RSRC1: variants seen among roughly 807,000 people sequenced by gnomAD.
RSRC1 encodes arginine and serine rich coiled-coil 1.
Under a neutral mutation model 49.1 loss-of-function variants are expected in RSRC1, and 39 were observed. The ratio of observed to expected loss-of-function variants is 0.79; its 90% CI spans 0.61 to 1.04. The LOEUF (loss-of-function observed/expected upper bound fraction) is 1.04, where lower values mean the gene tolerates loss of function less well. Ranked by LOEUF, RSRC1 falls within the 50% of genes least tolerant of loss-of-function variation. RSRC1 has a pLI of 0.00. For missense variants in RSRC1, 388 were observed against 402.4 expected (o/e 0.96, Z 0.31); for synonymous variants, 143 against 130.8 (o/e 1.09, Z -0.63).
At chr3:158,472,450 A>T (rs1738178092) in intron 7 of RSRC1, among the ~76,000 whole-genome samples, 1 of 152,142 alleles carries the variant, frequency 6.6e-6, no homozygotes, top group African/African-American at 2.4e-5. Context: ...ACAAAATAAT[A>T]CTTGTCCATT....
intron 4 of RSRC1, among the ~76,000 whole-genome samples, chr3:158,254,258 T>C (rs1358093009): frequency 1.3e-5 from 2 of 152,240 alleles, no homozygotes; most frequent in Non-Finnish European, 2.9e-5. Flanking sequence ...TAGCATGATT[T>C]ATAATCCTTT....
chr3:158,471,165 C>CAAA (rs1738118932), intron 7 of RSRC1, among the ~76,000 whole-genome samples: 3 of 152,194 alleles, frequency 2.0e-5, no homozygotes, highest in Non-Finnish European at 4.4e-5. Context: ...TCTTTTTGTA[C>CAAA]TTTCTCCTTA....
chr3:158,186,921 A>G (rs1719964541), intron 3 of RSRC1, among the ~76,000 whole-genome samples: 3 of 151,940 alleles, frequency 2.0e-5, no homozygotes, highest in Non-Finnish European at 4.4e-5. Context: ...TCTACTTGTA[A>G]CAAGATAGGG....
intron 5 of RSRC1, among the ~76,000 whole-genome samples, chr3:158,323,654 C>G (rs188664876): frequency 5.9e-5 from 9 of 152,178 alleles, no homozygotes; most frequent in Non-Finnish European, 1.3e-4. Flanking sequence ...AAGTAACATC[C>G]CCAAGCAAGA....
At chr3:158,164,894 C>G (rs1223468444) in intron 3 of RSRC1, among the ~76,000 whole-genome samples, 1 of 152,118 alleles carries the variant, frequency 6.6e-6, no homozygotes, top group Non-Finnish European at 1.5e-5. Context: ...GATAGATGCA[C>G]TAAAGTTCTC....
chr3:158,113,426 T>C (rs1714556950), intron 1 of RSRC1, among the ~76,000 whole-genome samples: 1 of 150,212 alleles, frequency 6.7e-6, no homozygotes, highest in Non-Finnish European at 1.5e-5. Flanking sequence ...TGGAGTGCAG[T>C]GGTGCGATCT....
rs183231837 is a variant in RSRC1, at chr3:158,157,339, G to A, written c.320+33348G>A. Among the ~76,000 whole-genome samples, 11 of 152,284 alleles carry A rather than the reference G, an allele frequency of 7.2e-5. No homozygotes were observed. The East Asian group carries it at 2.1e-3, about 29-fold the overall frequency. On this transcript the variant is annotated intron_variant, in intron 3 of 9. Transcript: ENST00000611884. ...GATAGGTTTAGAATCATTATTTCCT[G>A]ATGAGGAAACTGAGTCTTACAACTG... is the stretch of plus-strand genomic sequence containing the variant.
At chr3:158,241,926 T>C (rs1723605624) in intron 4 of RSRC1, among the ~76,000 whole-genome samples, 2 of 152,136 alleles carry the variant, frequency 1.3e-5, no homozygotes, top group African/African-American at 4.8e-5. Context: ...ATATACAATT[T>C]AGTGAATTTT....
At chr3:158,445,252 C>A (rs1736635532) in intron 6 of RSRC1, among the ~76,000 whole-genome samples, 1 of 152,134 alleles carries the variant, frequency 6.6e-6, no homozygotes. Flanking sequence ...TTGGAACAAA[C>A]CCAGATGTCC....
chr3:158,459,021 C>G (rs904852134), intron 6 of RSRC1, among the ~76,000 whole-genome samples: 50 of 152,024 alleles, frequency 3.3e-4, no homozygotes, highest in Admixed American at 3.3e-3. Context: ...TTATGGAGGA[C>G]ATACTGATTG....
At chr3:158,272,793 G>GAAC (rs1050269259) in intron 4 of RSRC1, among the ~76,000 whole-genome samples, 54 of 152,020 alleles carry the variant, frequency 3.6e-4, no homozygotes, top group African/African-American at 1.3e-3. Flanking sequence ...GATGTTTGAA[G>GAAC]AACAGTACAA....
chr3:158,451,236 T>C (rs1052944820), intron 6 of RSRC1, among the ~76,000 whole-genome samples: 3 of 151,980 alleles, frequency 2.0e-5, no homozygotes, highest in Non-Finnish European at 2.9e-5. Context: ...ATGACACTTT[T>C]TTCCTGCTGA....
chr3:158,501,363 A>T (rs1455617420), intron 7 of RSRC1, among the ~76,000 whole-genome samples: 1 of 152,166 alleles, frequency 6.6e-6, no homozygotes, highest in African/African-American at 2.4e-5. Context: ...TTCCGTATAT[A>T]TCTGCTAAGT....
chr3:158,382,423 G>A (rs1732752172), intron 6 of RSRC1, among the ~76,000 whole-genome samples: 1 of 152,190 alleles, frequency 6.6e-6, no homozygotes, highest in South Asian at 2.1e-4. Flanking sequence ...ATGCTGGGCA[G>A]CACAGTTGGT....
chr3:158,481,007 A>G (rs1738589734), intron 7 of RSRC1, among the ~76,000 whole-genome samples: 1 of 152,060 alleles, frequency 6.6e-6, no homozygotes, highest in African/African-American at 2.4e-5. Context: ...CATGAAAGGA[A>G]GGACAAGCCT....
intron 6 of RSRC1, among the ~76,000 whole-genome samples, chr3:158,372,072 G>A (rs904684116): frequency 2.1e-5 from 3 of 145,548 alleles, no homozygotes; most frequent in African/African-American, 4.9e-5. Context: ...CTGAGTAAAA[G>A]TTCATGATCA....
chr3:158,492,691 T>A (rs1033303403), intron 7 of RSRC1, among the ~76,000 whole-genome samples: 2 of 152,238 alleles, frequency 1.3e-5, no homozygotes, highest in Non-Finnish European at 2.9e-5. Context: ...ATCTTCTCAG[T>A]GCCATTTTAT....
At chr3:158,465,235 G>A (rs1422995582) in intron 7 of RSRC1, among the ~76,000 whole-genome samples, 2 of 152,096 alleles carry the variant, frequency 1.3e-5, no homozygotes, top group African/African-American at 4.8e-5. Context: ...CTCATAGTGT[G>A]TCCTCCACAC....
At chr3:158,531,462 T>C (rs567787521) in intron 7 of RSRC1, among the ~76,000 whole-genome samples, 9 of 152,100 alleles carry the variant, frequency 5.9e-5, no homozygotes, top group Admixed American at 2.6e-4. Context: ...CACATTAACA[T>C]TATTCCTATT....
Sources: allele counts gnomAD v4.1 joint callset (sites outside exome capture counted in the v4.1 genomes callset), GRCh38; gene constraint gnomAD v4.1.1; transcripts MANE v1.5; gene names NCBI Gene and HGNC (gene_info 2026-07-23, HGNC 2026-07-21).